The following STXBP5L variants were observed in gnomAD, a reference collection of about 807,000 sequenced individuals.
The protein encoded by STXBP5L is syntaxin binding protein 5L, also known as syntaxin-binding protein 5-like.
STXBP5L carries 65 observed loss-of-function variants against 144.5 expected under a neutral mutation model. The ratio of observed to expected loss-of-function variants is 0.45; its 90% CI spans 0.37 to 0.55. The LOEUF (loss-of-function observed/expected upper bound fraction) is 0.55. Ranked by LOEUF, STXBP5L falls within the 20% of genes least tolerant of loss-of-function variation. The probability of loss-of-function intolerance (pLI) is 0.00; values close to 1 mark genes in which losing one functional copy is unlikely to be tolerated. For missense variants in STXBP5L, 1,298 were observed against 1,405.5 expected, an observed-to-expected ratio of 0.92 and a Z score of 1.22; for synonymous variants, 505 against 469.6, an observed-to-expected ratio of 1.08 and a Z score of -0.97.
chr3:121,314,282 GCTGCACTCCAGC>G (rs2043691656), intron 19 of STXBP5L, among the ~76,000 whole-genome samples: 1 of 144,000 alleles, frequency 6.9e-6, no homozygotes, highest in East Asian at 2.1e-4. Flanking sequence ...AGATCACGCC[GCTGCACTCCAGC>G]CTGGACACCA....
chr3:121,313,263 G>A (rs1435736526), intron 19 of STXBP5L, among the ~76,000 whole-genome samples: 12 of 141,326 alleles, frequency 8.5e-5, no homozygotes, highest in Middle Eastern at 3.9e-3. Context: ...GCCGGGCAGA[G>A]GGGCTCCTCA....
chr3:121,265,036 C>T (rs1379412043), intron 18 of STXBP5L, among the ~76,000 whole-genome samples: 2 of 152,116 alleles, frequency 1.3e-5, no homozygotes, highest in Non-Finnish European at 2.9e-5. Context: ...GAGACTTTTA[C>T]ACCCCACTGT....
intron 3 of STXBP5L, among the ~76,000 whole-genome samples, chr3:120,993,474 G>A (rs140566332): frequency 8.9e-4 from 136 of 152,068 alleles, no homozygotes; most frequent in African/African-American, 3.2e-3. Context: ...ATTTGGAGTT[G>A]AGTTTTGCGT....
intron 5 of STXBP5L, chr3:121,099,365 T>C (rs1290340257): frequency 6.6e-6 from 1 of 152,224 alleles, no homozygotes. Flanking sequence ...TTTCAGCTCT[T>C]TATACACAGC....
At chr3:121,320,284 T>A (rs1577451096) in intron 20 of STXBP5L, among the ~76,000 whole-genome samples, 1 of 152,228 alleles carries the variant, frequency 6.6e-6, no homozygotes, top group African/African-American at 2.4e-5. Flanking sequence ...GTTATTTTTA[T>A]GTCTTTTTCT....
intron 9 of STXBP5L, among the ~76,000 whole-genome samples, chr3:121,164,824 T>A (rs1305367320): frequency 2.6e-5 from 4 of 152,160 alleles, no homozygotes; most frequent in Non-Finnish European, 2.9e-5. Flanking sequence ...ACATGTGAAA[T>A]TTTTTTTAAA....
At chr3:120,970,651 G>T (rs546459954) in intron 3 of STXBP5L, among the ~76,000 whole-genome samples, 1 of 152,102 alleles carries the variant, frequency 6.6e-6, no homozygotes, top group Admixed American at 6.6e-5. Context: ...TTCTCCTTTG[G>T]GTTGAATTTG....
At chr3:121,395,592 G>A (rs2046708595) in intron 22 of STXBP5L, among the ~76,000 whole-genome samples, 1 of 152,214 alleles carries the variant, frequency 6.6e-6, no homozygotes, top group East Asian at 1.9e-4. Flanking sequence ...ACTGAGATCA[G>A]AAAGCATGTG....
At chr3:121,203,678 G>A (rs973018722) in intron 9 of STXBP5L, among the ~76,000 whole-genome samples, 1 of 152,112 alleles carries the variant, frequency 6.6e-6, no homozygotes, top group Non-Finnish European at 1.5e-5. Context: ...AACTTAACAA[G>A]TAATTATATA....
At chr3:121,063,288 T>C (rs367882507) in intron 5 of STXBP5L, among the ~76,000 whole-genome samples, 37 of 152,208 alleles carry the variant, frequency 2.4e-4, no homozygotes, top group African/African-American at 8.9e-4. Context: ...TTGCTGGAGG[T>C]CTACTGCAGA....
intron 6 of STXBP5L, among the ~76,000 whole-genome samples, chr3:121,119,975 C>T (rs932659966): frequency 6.6e-6 from 1 of 150,950 alleles, no homozygotes; most frequent in African/African-American, 2.4e-5. Flanking sequence ...TAGTGTTTCC[C>T]AAAACAAATT....
chr3:121,393,646 A>C (rs1463352712), intron 22 of STXBP5L, among the ~76,000 whole-genome samples: 1 of 152,152 alleles, frequency 6.6e-6, no homozygotes, highest in Non-Finnish European at 1.5e-5. Context: ...ATTCTCCTGC[A>C]TATGGTTATA....
intron 9 of STXBP5L, among the ~76,000 whole-genome samples, chr3:121,198,861 A>G (rs2108203872): frequency 6.6e-6 from 1 of 152,292 alleles, no homozygotes; most frequent in South Asian, 2.1e-4. Flanking sequence ...TTTTGGTTCC[A>G]GTACCATGCT....
chr3:121,348,091 G>T (rs927649080), intron 20 of STXBP5L, among the ~76,000 whole-genome samples: 4 of 151,950 alleles, frequency 2.6e-5, no homozygotes, highest in African/African-American at 9.7e-5. Context: ...ATTGGCTGTG[G>T]GTTTGTCATA....
intron 20 of STXBP5L, among the ~76,000 whole-genome samples, chr3:121,338,788 A>C (rs1374171173): frequency 6.6e-6 from 1 of 152,104 alleles, no homozygotes; most frequent in Admixed American, 6.6e-5. Context: ...CATAAACTAG[A>C]AAATCTATAG....
intron 5 of STXBP5L, among the ~76,000 whole-genome samples, chr3:121,113,671 TC>T (rs376637120): frequency 1.9e-4 from 27 of 141,954 alleles, no homozygotes; most frequent in African/African-American, 6.9e-4. Flanking sequence ...TTTTTCTTTT[TC>T]TTTTTTTTTT....
At chr3:121,198,959 C>T (rs1167596303) in intron 9 of STXBP5L, among the ~76,000 whole-genome samples, 1 of 151,844 alleles carries the variant, frequency 6.6e-6, no homozygotes, top group Non-Finnish European at 1.5e-5. Context: ...GAGTGTCTTA[C>T]CTATACGGGT....
intron 5 of STXBP5L, among the ~76,000 whole-genome samples, chr3:121,067,800 A>G (rs1198197135): frequency 6.6e-6 from 1 of 151,984 alleles, no homozygotes; most frequent in Non-Finnish European, 1.5e-5. Context: ...GTATACATTT[A>G]TTTTCTGTAT....
chr3:121,109,238 G>A (rs1052973803), intron 5 of STXBP5L, among the ~76,000 whole-genome samples: 5 of 152,068 alleles, frequency 3.3e-5, no homozygotes, highest in African/African-American at 9.7e-5. Flanking sequence ...ATCGCCTTCA[G>A]TTCTGCTCTG....
Sources: allele counts gnomAD v4.1 joint callset (sites outside exome capture counted in the v4.1 genomes callset), GRCh38; gene constraint gnomAD v4.1.1; transcripts MANE v1.5; gene names NCBI Gene and HGNC (gene_info 2026-07-23, HGNC 2026-07-21).